PRKG1: variants seen among roughly 807,000 people sequenced by gnomAD.
PRKG1 encodes the protein cGMP-dependent protein kinase 1.
In PRKG1, 35 loss-of-function variants were observed where a neutral mutation model predicts 88.1. The observed-to-expected ratio is 0.40, with a 90% CI of 0.30 to 0.53. The LOEUF is 0.53. Ranked by LOEUF, PRKG1 falls within the 20% of genes least tolerant of loss-of-function variation. The pLI, the probability that PRKG1 is intolerant of heterozygous loss-of-function variation, is 0.59. For missense variants in PRKG1, 540 were observed against 839.8 expected, an observed-to-expected ratio of 0.64 and a Z score of 4.41; for synonymous variants, 303 against 292.5, an observed-to-expected ratio of 1.04 and a Z score of -0.37.
At chr10:51,826,223 G>C (rs1839878694) in intron 4 of PRKG1, among the ~76,000 whole-genome samples, 1 of 152,124 alleles carries the variant, frequency 6.6e-6, no homozygotes, top group Non-Finnish European at 1.5e-5. Flanking sequence ...TGAATATGAG[G>C]AGAGTCCCAC....
chr10:51,503,708 T>A (rs1841105786), intron 3 of PRKG1, among the ~76,000 whole-genome samples: 2 of 142,366 alleles, frequency 1.4e-5, no homozygotes, highest in Non-Finnish European at 3.3e-5. Context: ...CTCTTTTGCA[T>A]CTGGGTAAAA....
intron 3 of PRKG1, among the ~76,000 whole-genome samples, chr10:51,510,118 T>C (rs1389558914): frequency 6.6e-6 from 1 of 152,188 alleles, no homozygotes; most frequent in Non-Finnish European, 1.5e-5. Context: ...TTTCACTGCT[T>C]TTTTGTAAAC....
chr10:51,982,620 T>G (rs1844038898), intron 5 of PRKG1, among the ~76,000 whole-genome samples: 1 of 152,226 alleles, frequency 6.6e-6, no homozygotes, highest in Non-Finnish European at 1.5e-5. Flanking sequence ...TCTGTAACTC[T>G]GGGGGACTTT....
chr10:51,184,782 C>G (rs1837441920), intron 2 of PRKG1, among the ~76,000 whole-genome samples: 2 of 152,100 alleles, frequency 1.3e-5, no homozygotes, highest in Admixed American at 1.3e-4. Flanking sequence ...AACTCTTCGA[C>G]CCATCTTTTT....
chr10:51,047,882 G>A (rs1320538656), intron 1 of PRKG1, among the ~76,000 whole-genome samples: 2 of 152,194 alleles, frequency 1.3e-5, no homozygotes, highest in African/African-American at 4.8e-5. Flanking sequence ...TACAAGGAAA[G>A]TATAAAATAA....
rs929559533 is a variant in PRKG1 at position 51,804,655 on chromosome 10, C to G, written c.663C>G (p.Leu221=). 2.5e-6 allele frequency: 4 copies of G among 1,597,254 alleles called. No homozygotes were observed. In the South Asian group the frequency reaches 3.3e-5, roughly 13 times the overall value. ...AAACAATAATGATGAGGACAGGACT[C>G]ATCAAGCATACCGAGTATATGGAAT... ...CFQTIMMRTG[L]IKHTEYMEFL... Residue 221 remains leucine (L), a synonymous_variant, in exon 4 of 18, where the codon CTC becomes CTG. Coordinates refer to ENST00000373980, the MANE Select transcript of PRKG1 (RefSeq NM_006258.4).
intron 2 of PRKG1, among the ~76,000 whole-genome samples, chr10:51,156,570 G>A (rs577245471): frequency 1.3e-5 from 2 of 152,016 alleles, no homozygotes; most frequent in East Asian, 3.9e-4. Context: ...CAGAGTCACA[G>A]CTTTTGCAAT....
chr10:51,003,647 G>A (rs946750743), intron 1 of PRKG1, among the ~76,000 whole-genome samples: 5 of 152,178 alleles, frequency 3.3e-5, no homozygotes, highest in Non-Finnish European at 7.3e-5. Context: ...TGTGCTGGTT[G>A]TCAGATAATA....
chr10:52,267,359 C>A (rs1841600815), intron 10 of PRKG1, among the ~76,000 whole-genome samples: 1 of 151,932 alleles, frequency 6.6e-6, no homozygotes, highest in African/African-American at 2.4e-5. Context: ...TCTTTGCATT[C>A]ATGGAATTCT....
At chr10:51,237,415 T>G in intron 2 of PRKG1, among the ~76,000 whole-genome samples, 1 of 152,152 alleles carries the variant, frequency 6.6e-6, no homozygotes, top group Non-Finnish European at 1.5e-5. Flanking sequence ...CAGGGCACAT[T>G]TGCATATCCA....
intron 4 of PRKG1, among the ~76,000 whole-genome samples, chr10:51,839,473 G>T (rs1037485150): frequency 6.6e-6 from 1 of 152,150 alleles, no homozygotes; most frequent in African/African-American, 2.4e-5. Context: ...TAAGAAAGTG[G>T]CTGAAAAGGA....
intron 3 of PRKG1, among the ~76,000 whole-genome samples, chr10:51,729,513 C>A (rs1476595262): frequency 2.6e-5 from 4 of 151,744 alleles, no homozygotes; most frequent in African/African-American, 7.3e-5. Flanking sequence ...TCGAGACCAG[C>A]CTGACCAACA....
chr10:51,664,363 C>A (rs1256089226), intron 3 of PRKG1, among the ~76,000 whole-genome samples: 1 of 152,134 alleles, frequency 6.6e-6, no homozygotes, highest in Non-Finnish European at 1.5e-5. Flanking sequence ...AACAAAAATA[C>A]ATTTCTTCAG....
At chr10:51,608,658 C>T (rs990260029) in intron 3 of PRKG1, among the ~76,000 whole-genome samples, 4 of 152,104 alleles carry the variant, frequency 2.6e-5, no homozygotes, top group Admixed American at 2.6e-4. Flanking sequence ...ACATGACTTT[C>T]TGTTATTAGG....
intron 6 of PRKG1, among the ~76,000 whole-genome samples, chr10:52,061,141 A>G (rs572575726): frequency 6.6e-6 from 1 of 152,072 alleles, no homozygotes; most frequent in African/African-American, 2.4e-5. Flanking sequence ...CTTAGTGGTC[A>G]CAGAGACACA....
At chr10:51,947,183 C>G (rs968020330) in intron 5 of PRKG1, among the ~76,000 whole-genome samples, 1 of 152,180 alleles carries the variant, frequency 6.6e-6, no homozygotes, top group Non-Finnish European at 1.5e-5. Context: ...TCCCCTCCCC[C>G]AGCCTCGCTG....
chr10:52,179,843 A>T (rs1036880606), intron 9 of PRKG1, among the ~76,000 whole-genome samples: 1 of 152,022 alleles, frequency 6.6e-6, no homozygotes, highest in Non-Finnish European at 1.5e-5. Flanking sequence ...CACTGCCACC[A>T]CACCTAGCTA....
At chr10:51,091,196 C>T (rs1844389357) in intron 1 of PRKG1, among the ~76,000 whole-genome samples, 1 of 152,026 alleles carries the variant, frequency 6.6e-6, no homozygotes, top group Admixed American at 6.6e-5. Flanking sequence ...TCATGTAATA[C>T]AAGAAAGATT....
At chr10:52,114,276 A>C (rs1289429049) in intron 7 of PRKG1, among the ~76,000 whole-genome samples, 1 of 152,080 alleles carries the variant, frequency 6.6e-6, no homozygotes, top group East Asian at 1.9e-4. Context: ...ATGTAGGTTC[A>C]AATCTAGATC....
Sources: allele counts gnomAD v4.1 joint callset (sites outside exome capture counted in the v4.1 genomes callset), GRCh38; gene constraint gnomAD v4.1.1; transcripts MANE v1.5; gene names NCBI Gene and HGNC (gene_info 2026-07-23, HGNC 2026-07-21).